Variants in DLG5 observed in about 807,000 individuals in gnomAD.
DLG5 encodes the protein discs large MAGUK scaffold protein 5.
DLG5 carries 48 observed loss-of-function variants against 189.8 expected under a neutral mutation model. The observed-to-expected ratio is 0.25, with a 90% CI of 0.20 to 0.32. The LOEUF is 0.32. Among genes scored for constraint, DLG5 ranks in the 10% least tolerant of loss-of-function variants. DLG5 has a pLI of 1.00. For synonymous variants in DLG5, 1,016 were observed against 1,054.1 expected (o/e 0.96, Z 0.70); for missense variants, 2,160 against 2,544.7 (o/e 0.85, Z 3.25).
At chr10:77,842,294 C>G in intron 6 of DLG5, 101 bp from the exon 7 acceptor site, 1 of 1,404,356 alleles carries the variant, frequency 7.1e-7, no homozygotes, top group Non-Finnish European at 9.6e-7. Flanking sequence ...GCTGGACAGT[C>G]AAGCGTGAAG....
intron 23 of DLG5, 114 bp downstream of exon 23, chr10:77,810,980 T>A: frequency 7.5e-7 from 1 of 1,332,718 alleles, no homozygotes; most frequent in Non-Finnish European, 1.0e-6. Flanking sequence ...AGACCTGGTG[T>A]GCGGCCTGCA....
chr10:77,937,433 A>T, the DLG5 span, among the ~76,000 whole-genome samples: 1 of 152,148 alleles, frequency 6.6e-6, no homozygotes, highest in African/African-American at 2.4e-5. Flanking sequence ...TGCCTCCCAG[A>T]CATGCTAGGG....
At position 77,926,363 on chromosome 10, in the gene DLG5, G is replaced by A; in HGVS notation, c.158C>T (p.Ala53Val). The change falls in exon 1 of 32, where the codon GCG becomes GTG. Residue 53 changes from alanine to valine, a missense_variant. Physicochemically the swap from Ala to Val is moderately conservative, Grantham distance 64 (BLOSUM62 0). Around this residue, in one of 5 missense-constraint regions of DLG5, gnomAD observed 664 missense variants for 838.5 expected, o/e 0.79. Transcript: ENST00000372391. The surrounding 1 kb of genome is among the most constrained non-coding windows in gnomAD (Gnocchi z 5.2). Reference protein sequence around the residue: ...QLDEEAGGAKAELLLKLLLAK... With the variant: ...QLDEEAGGAKVELLLKLLLAK... ...CAAGAGCAGCTTGAGCAGCAGCTCCGCCTTGGCGCCTCCCGCCTCCTCGTC... is the reference window on the plus strand; with the variant it reads ...CAAGAGCAGCTTGAGCAGCAGCTCCACCTTGGCGCCTCCCGCCTCCTCGTC... 2 of 1,600,516 alleles carry A rather than the reference G, an allele frequency of 1.2e-6. No homozygotes were observed. The highest frequency in any genetic ancestry group is 1.7e-6 in the Non-Finnish European group (2 of 1,175,358).
chr10:77,871,026 C>T (rs1844876714), intron 1 of DLG5, among the ~76,000 whole-genome samples: 2 of 152,172 alleles, frequency 1.3e-5, no homozygotes, highest in Non-Finnish European at 2.9e-5. Context: ...AGCACTAGGA[C>T]AGGCGTGACC....
chr10:77,805,389 C>T (rs1288680044), intron 27 of DLG5, among the ~76,000 whole-genome samples: 1 of 152,210 alleles, frequency 6.6e-6, no homozygotes, highest in East Asian at 1.9e-4. Context: ...AGGCACACTT[C>T]TGCCTTACCA....
chr10:77,806,735 C>T, intron 26 of DLG5, 23 bp downstream of exon 26: 2 of 1,589,016 alleles, frequency 1.3e-6, no homozygotes, highest in South Asian at 2.2e-5. Flanking sequence ...CCCCACCCCA[C>T]CCCAGGCCCG....
At chr10:77,831,747 T>C (rs1203425977) in intron 9 of DLG5, among the ~76,000 whole-genome samples, 1 of 152,188 alleles carries the variant, frequency 6.6e-6, no homozygotes, top group Non-Finnish European at 1.5e-5. Flanking sequence ...AAGAAATGTA[T>C]CTCAACCTAA....
chr10:77,831,011 G>GAGTC, intron 9 of DLG5, 138 bp from the exon 10 acceptor site: 1 of 1,086,386 alleles, frequency 9.2e-7, no homozygotes, highest in Non-Finnish European at 1.3e-6. Flanking sequence ...CAATAACTCA[G>GAGTC]AGTCAGGTCA....
rs548389583 is a variant in DLG5, at chr10:77,898,094, C to T, written c.304+28123G>A. On this transcript the variant is annotated intron_variant, in intron 1 of 31. Transcript: ENST00000372391. ...TTTGGCCTCAGGGTAGCTGCTGCTACCACAAGCACCTTCCTCCCAGGAGCC... is the reference window on the plus strand; with the variant it reads ...TTTGGCCTCAGGGTAGCTGCTGCTATCACAAGCACCTTCCTCCCAGGAGCC... 3.3e-5 allele frequency among the ~76,000 whole-genome samples: 5 copies of T among 152,336 alleles called. No individual in the cohort carries two copies. The East Asian group carries it at 9.7e-4, about 29-fold the overall frequency.
Position 77,835,843 on chromosome 10 carries a change from C to A in DLG5, c.1517G>T (p.Cys506Phe). 6.2e-7 allele frequency: 1 copy of A among 1,614,126 alleles called. No homozygotes were observed. Among genetic ancestry groups the A allele is most frequent in the Non-Finnish European group, 8.5e-7 (1 of 1,179,982 alleles). ...CTGGAGGGCTTCCTTCAGCTCCTGG[C>A]ACAGAGCCTTGCACTGCTTTCGAAG... ...EILRKQCKAL[C>F]QELKEALQEA... Residue 506 changes from cysteine (C) to phenylalanine (F), a missense_variant, in exon 8 of 32, where the codon TGC (cysteine) becomes TTC (phenylalanine). Transcript: ENST00000372391.
intron 7 of DLG5, among the ~76,000 whole-genome samples, chr10:77,836,386 T>C (rs891414891): frequency 6.6e-6 from 1 of 152,028 alleles, no homozygotes; most frequent in Non-Finnish European, 1.5e-5. Context: ...ACAAAGCAAG[T>C]GTTTACTGCA....
At position 77,792,288 on chromosome 10, in the gene DLG5, G is replaced by A; in HGVS notation, c.*152C>T. ...GGATCGCACGCAGCCGTGGCCCTCT[G>A]TCTACAAAGGAGGTGCTTCTGGGTC... On this transcript the variant is annotated 3_prime_UTR_variant, in exon 32 of 32. Coordinates refer to ENST00000372391, the MANE Select transcript of DLG5 (RefSeq NM_004747.4). 1.3e-6 allele frequency: 1 copy of A among 746,634 alleles called. No homozygotes were observed. The highest frequency in any genetic ancestry group is 2.3e-6 in the Non-Finnish European group (1 of 439,656). The allele number at this position is 746,634 out of a possible 1,614,324, so 46.3% of individuals were successfully genotyped here.
intron 20 of DLG5, among the ~76,000 whole-genome samples, chr10:77,815,744 T>A (rs1310767468): frequency 6.6e-6 from 1 of 152,228 alleles, no homozygotes; most frequent in African/African-American, 2.4e-5. Flanking sequence ...TGGACTCAAA[T>A]GAAAGAGAGT....
In DLG5 at chr10:77,791,310, A is replaced by G. The variant is rs1298063150; in HGVS notation, c.*1130T>C. 1 of 152,132 alleles carries G rather than the reference A, an allele frequency of 6.6e-6. No individual in the cohort carries two copies. Among genetic ancestry groups the G allele is most frequent in the East Asian group, 1.9e-4 (1 of 5,174 alleles). The allele number at this position is 152,132 out of a possible 1,614,324, so 9.4% of individuals were successfully genotyped here. The stretch of plus-strand genomic sequence containing the variant: ...ATAGCTTAAGGAGGAACCACATCAA[A>G]TCTTCAGCCAGACATATCTAGCCTC... On this transcript the variant is annotated 3_prime_UTR_variant, in exon 32 of 32. Transcript: ENST00000372391.
upstream of DLG5, chr10:77,929,492 TTATTTAGAAA>T (rs2131895526): frequency 6.6e-6 from 1 of 152,356 alleles, no homozygotes; most frequent in African/African-American, 2.4e-5. Flanking sequence ...TGAATGTGAC[TTATTTAGAAA>T]TAGGGTCTTT....
intron 1 of DLG5, among the ~76,000 whole-genome samples, chr10:77,885,139 C>T (rs1017909004): frequency 6.6e-6 from 1 of 152,200 alleles, no homozygotes; most frequent in African/African-American, 2.4e-5. Context: ...CTATAGCAAG[C>T]TTTCATCATG....
Position 77,843,502 on chromosome 10 carries a change from G to A in DLG5, c.1069C>T (p.Gln357Ter), listed in dbSNP as rs1564539716. The A allele has an allele frequency of 6.2e-7, 1 of 1,614,136 alleles. No homozygotes were observed. Among genetic ancestry groups the A allele is most frequent in the Non-Finnish European group, 8.5e-7 (1 of 1,180,042 alleles). ...AGCTGGATGGCCGTGTCCCTCTGCT[G>A]GGTCAGCATCTCTGTCTGCTTCAGC... The part of the protein sequence containing the change: ...RLLKQTEMLT[Q>*]QRDTAIQLQH... The change falls in exon 6 of 32, where the codon CAG (glutamine) becomes TAG (stop). Residue 357 changes from glutamine to a stop codon, truncating the protein, a stop_gained. Transcript: ENST00000372391. LOFTEE classifies it high-confidence loss of function.
chr10:77,861,941 G>A (rs898759585), intron 2 of DLG5, among the ~76,000 whole-genome samples: 12 of 152,174 alleles, frequency 7.9e-5, no homozygotes, highest in Middle Eastern at 3.2e-3. Context: ...AAGTGCAGCC[G>A]ATGCCTCCGG....
At chr10:77,856,485 G>A (rs1396166608) in intron 3 of DLG5, among the ~76,000 whole-genome samples, 5 of 147,846 alleles carry the variant, frequency 3.4e-5, no homozygotes, top group Non-Finnish European at 7.5e-5. Flanking sequence ...CACACGAGCT[G>A]ACTTTGCACA....
Sources: allele counts gnomAD v4.1 joint callset (sites outside exome capture counted in the v4.1 genomes callset), GRCh38; gene constraint gnomAD v4.1.1; regional missense constraint gnomAD v4.1.1; non-coding constraint Gnocchi (gnomAD v3.1); transcripts MANE v1.5; gene names NCBI Gene and HGNC (gene_info 2026-07-23, HGNC 2026-07-21).